Variants in DIAPH2 observed in about 807,000 individuals in gnomAD.
DIAPH2 encodes diaphanous related formin 2, also known as protein diaphanous homolog 2.
A neutral mutation model predicts 92.7 loss-of-function variants in DIAPH2; 35 were observed. The ratio of observed to expected loss-of-function variants is 0.38; its 90% CI spans 0.29 to 0.50. The LOEUF is 0.50. DIAPH2 is among the 20% of genes least tolerant of loss of function. DIAPH2 has a pLI of 0.94. For synonymous variants in DIAPH2, 301 were observed against 280.4 expected, an observed-to-expected ratio of 1.07 and a Z score of -0.73; for missense variants, 701 against 819.5, an observed-to-expected ratio of 0.86 and a Z score of 1.77.
chrX:97,313,013 C>T (rs991371917), intron 23 of DIAPH2, among the ~76,000 whole-genome samples: 1 of 109,467 alleles, frequency 9.1e-6, no homozygotes, highest in African/African-American at 3.3e-5. Context: ...CCTGTCTCTA[C>T]TAAAAATATA....
intron 19 of DIAPH2, among the ~76,000 whole-genome samples, chrX:97,081,283 T>C (rs2147343526): frequency 9.0e-6 from 1 of 111,516 alleles, no homozygotes; most frequent in East Asian, 2.8e-4. Flanking sequence ...TTTTCTTTTA[T>C]TGACGTTTCC....
At chrX:97,419,470 ATAT>A (rs1453646202) in intron 25 of DIAPH2, among the ~76,000 whole-genome samples, 1 of 112,271 alleles carries the variant, frequency 8.9e-6, no homozygotes, top group Non-Finnish European at 1.9e-5. Context: ...GTAGCACAAA[ATAT>A]TATTCTTTTT....
At chrX:97,097,518 G>T (rs776004540) in intron 19 of DIAPH2, among the ~76,000 whole-genome samples, 70 of 111,677 alleles carry the variant, frequency 6.3e-4, no homozygotes, top group Non-Finnish European at 1.2e-3. Flanking sequence ...GAAAATAACA[G>T]GTTACCTATA....
At chrX:96,802,296 C>T (rs928317030) in intron 4 of DIAPH2, among the ~76,000 whole-genome samples, 21 of 111,996 alleles carry the variant, frequency 1.9e-4, no homozygotes, top group African/African-American at 6.8e-4. Flanking sequence ...TGGTCCCTGA[C>T]ACAGCTTTCG....
intron 3 of DIAPH2, among the ~76,000 whole-genome samples, chrX:96,748,263 G>A (rs2064162415): frequency 8.9e-6 from 1 of 112,061 alleles, no homozygotes; most frequent in Non-Finnish European, 1.9e-5. Flanking sequence ...TGTGCAATGT[G>A]CCAGGTAGGA....
chrX:97,137,243 G>A lies in DIAPH2; in HGVS notation c.2590-4422G>A, dbSNP rs1380906639. ...TTTGTAGTCAACCTCTGTGTGTGTG[G>A]TGGGGTCATATATAAACGCAGTTAT... is the stretch of plus-strand genomic sequence containing the variant. On this transcript the variant is annotated intron_variant, in intron 21 of 26. Coordinates refer to ENST00000324765, the MANE Select transcript of DIAPH2 (RefSeq NM_006729.5). 3.4e-5 allele frequency among the ~76,000 whole-genome samples: 3 copies of A among 88,159 alleles called. No homozygotes were observed. In the East Asian group the frequency reaches 1.1e-3, roughly 31 times the overall value. 76.6% of individuals were successfully genotyped at this position (88,159 alleles called of 115,157 possible).
At chrX:97,179,898 C>G (rs746638603) in intron 22 of DIAPH2, among the ~76,000 whole-genome samples, 1 of 111,425 alleles carries the variant, frequency 9.0e-6, no homozygotes, top group Admixed American at 9.5e-5. Flanking sequence ...AGTGGAAAAC[C>G]CCTGATAAAA....
chrX:96,915,289 C>T lies in DIAPH2; in HGVS notation c.733-1149C>T, dbSNP rs776818839. On this transcript the variant is annotated intron_variant, in intron 7 of 26. Coordinates refer to ENST00000324765, the MANE Select transcript of DIAPH2 (RefSeq NM_006729.5). ...TTTGGTAATTGCGTGGTCATTGTCTCTCAGTTTTGCAAATGTGTTTTTCAC... is the reference window on the plus strand; with the variant it reads ...TTTGGTAATTGCGTGGTCATTGTCTTTCAGTTTTGCAAATGTGTTTTTCAC... Among the ~76,000 whole-genome samples, 7 of 110,976 alleles carry T rather than the reference C, an allele frequency of 6.3e-5. No homozygotes were observed. The South Asian group carries it at 2.7e-3, about 42-fold the overall frequency.
At chrX:97,194,382 A>T (rs12006720) in intron 22 of DIAPH2, among the ~76,000 whole-genome samples, 4 of 108,319 alleles carry the variant, frequency 3.7e-5, no homozygotes, top group Non-Finnish European at 7.7e-5. Flanking sequence ...CCCGGGTTCA[A>T]GCCATTCTCC....
rs749280687 is a variant in DIAPH2, at chrX:97,339,192, CTTCCCTAGATGAGA to C, written c.2845-8913_2845-8900del. ...AATACCCCAGTAATTCTGATCACTG[CTTCCCTAGATGAGA>C]TTCCCTAGATAAAAATGCTTTGTGG... On this transcript the variant is annotated intron_variant, in intron 23 of 26. Coordinates refer to ENST00000324765, the MANE Select transcript of DIAPH2 (RefSeq NM_006729.5). 5.3e-3 allele frequency among the ~76,000 whole-genome samples: 584 copies of C among 111,024 alleles called. 2 individuals carry two copies. The highest frequency in any genetic ancestry group is 0.018 in the African/African-American group (553 of 30,556).
intron 22 of DIAPH2, among the ~76,000 whole-genome samples, chrX:97,181,779 A>G (rs993772928): frequency 3.9e-4 from 44 of 112,544 alleles, no homozygotes; most frequent in Admixed American, 3.8e-4. Context: ...AGTTAATGTG[A>G]CAATAGTAGT....
rs2071603570 is a variant in DIAPH2 at position 97,602,922 on chromosome X, G to GTCT, written c.*3609_*3611dup. The GTCT allele has an allele frequency of 9.0e-6, 1 of 110,984 alleles. No homozygotes were observed. Among genetic ancestry groups the GTCT allele is most frequent in the Non-Finnish European group, 1.9e-5 (1 of 52,772 alleles). 9.1% of individuals were successfully genotyped at this position (110,984 alleles called of 1,213,427 possible). On this transcript the variant is annotated 3_prime_UTR_variant, in exon 27 of 27. Transcript: ENST00000324765. Reference sequence around the variant, plus strand: ...TAGAACATTCTCAAAAATCTTGTGGGTCTTCTACGTATGTCACATTGATTC... The same window carrying GTCT: ...TAGAACATTCTCAAAAATCTTGTGGGTCTTCTTCTACGTATGTCACATTGATTC...
intron 5 of DIAPH2, among the ~76,000 whole-genome samples, chrX:96,892,129 T>C (rs1245658889): frequency 8.9e-6 from 1 of 111,913 alleles, no homozygotes; most frequent in Non-Finnish European, 1.9e-5. Flanking sequence ...ATTAAACTTA[T>C]TAAAAGCTTG....
At position 97,177,775 on chromosome X, in the gene DIAPH2, C is replaced by T. The variant is rs181329396; in HGVS notation, c.2719+35981C>T. On this transcript the variant is annotated intron_variant, in intron 22 of 26. Transcript: ENST00000324765. Reference sequence around the variant, plus strand: ...TCTTCCTGGTCTATTGAATAAAGCACTAGATAGGGAATAAGAAAACCTTGA... The same window carrying T: ...TCTTCCTGGTCTATTGAATAAAGCATTAGATAGGGAATAAGAAAACCTTGA... Among the ~76,000 whole-genome samples, 404 of 108,505 alleles carry T rather than the reference C, an allele frequency of 3.7e-3. 1 individual carries two copies. The highest frequency in any genetic ancestry group is 6.5e-3 in the Non-Finnish European group (340 of 52,465). 94.2% of individuals were successfully genotyped at this position (108,505 alleles called of 115,157 possible).
intron 17 of DIAPH2, among the ~76,000 whole-genome samples, chrX:97,029,965 G>A (rs961908104): frequency 9.0e-6 from 1 of 110,866 alleles, no homozygotes; most frequent in African/African-American, 3.3e-5. Flanking sequence ...CCACTAGTTT[G>A]TGACTCAGGT....
intron 7 of DIAPH2, among the ~76,000 whole-genome samples, 198 bp from the exon 8 acceptor site, chrX:96,916,240 A>G (rs2065502838): frequency 9.0e-6 from 1 of 110,937 alleles, no homozygotes; most frequent in African/African-American, 3.3e-5. Context: ...TATCTGATCA[A>G]GGAGCAACAA....
chrX:97,396,424 C>T (rs1054926279), intron 25 of DIAPH2, among the ~76,000 whole-genome samples: 6 of 110,997 alleles, frequency 5.4e-5, no homozygotes, highest in African/African-American at 2.0e-4. Flanking sequence ...GTAATCCCGG[C>T]ACTTTGGGAG....
chrX:96,710,827 A>C (rs2063913312), intron 1 of DIAPH2, among the ~76,000 whole-genome samples: 1 of 111,257 alleles, frequency 9.0e-6, no homozygotes, highest in Non-Finnish European at 1.9e-5. Context: ...CACTGTACCC[A>C]ATGTGTAGTC....
chrX:97,592,326 A>G lies in DIAPH2; in HGVS notation c.3242-6927A>G, dbSNP rs6620312. On this transcript the variant is annotated intron_variant, in intron 26 of 26. Coordinates refer to ENST00000324765, the MANE Select transcript of DIAPH2 (RefSeq NM_006729.5). ...GGTTCATAATAGAGATGGAGAGTAG[A>G]GTTACTACCTGGCAGGGAGGATAAG... Among the ~76,000 whole-genome samples the G allele has an allele frequency of 4.2e-4, 47 of 111,744 alleles. No individual in the cohort carries two copies. In the East Asian group the frequency reaches 0.011, roughly 27 times the overall value.
Sources: allele counts gnomAD v4.1 joint callset (sites outside exome capture counted in the v4.1 genomes callset), GRCh38; gene constraint gnomAD v4.1.1; transcripts MANE v1.5; gene names NCBI Gene and HGNC (gene_info 2026-07-23, HGNC 2026-07-21).